The following DCAF8 variants were observed in gnomAD, a reference collection of about 807,000 sequenced individuals.
DCAF8 encodes the protein DDB1 and CUL4 associated factor 8, also known as DDB1- and CUL4-associated factor 8.
DCAF8 carries 20 observed loss-of-function variants against 68.0 expected under a neutral mutation model. That is an observed-to-expected ratio of 0.29 (90% CI 0.21 to 0.43). The LOEUF (loss-of-function observed/expected upper bound fraction) is 0.43, where lower values mean the gene tolerates loss of function less well. Ranked by LOEUF, DCAF8 falls within the 20% of genes least tolerant of loss-of-function variation. The pLI is 1.00. For missense variants in DCAF8, 460 were observed against 771.0 expected (o/e 0.60, Z 4.78); for synonymous variants, 230 against 276.9 (o/e 0.83, Z 1.68).
At position 160,216,632 on chromosome 1, in the gene DCAF8, G is replaced by C. The variant is rs1217744849; in HGVS notation, c.*960C>G. On this transcript the variant is annotated 3_prime_UTR_variant, in exon 14 of 14. Coordinates refer to ENST00000368074, the MANE Select transcript of DCAF8 (RefSeq NM_015726.4). ...CATACACAGAGGTAAACTGACCCCAGGTGTCACTTCCACACCATTACTCTT... is the reference window on the plus strand; with the variant it reads ...CATACACAGAGGTAAACTGACCCCACGTGTCACTTCCACACCATTACTCTT... The C allele has an allele frequency of 6.6e-6, 1 of 152,562 alleles. No homozygotes were observed. The highest frequency in any genetic ancestry group is 1.5e-5 in the Non-Finnish European group (1 of 68,032). The allele number at this position is 152,562 out of a possible 1,614,324, so 9.5% of individuals were successfully genotyped here.
intron 6 of DCAF8, among the ~76,000 whole-genome samples, chr1:160,233,845 AG>A (rs1252585816): frequency 1.3e-5 from 2 of 152,180 alleles, no homozygotes; most frequent in African/African-American, 2.4e-5. Context: ...TGAACTCTGC[AG>A]GGGGCATGCA....
intron 11 of DCAF8, chr1:160,219,880 T>C (rs1571077912): frequency 6.6e-6 from 1 of 152,336 alleles, no homozygotes; most frequent in East Asian, 1.9e-4. Flanking sequence ...TTTGAGTCTT[T>C]TAGTGAAAAG....
chr1:160,234,235 T>G (rs1655793582), intron 6 of DCAF8, among the ~76,000 whole-genome samples: 1 of 111,648 alleles, frequency 9.0e-6, no homozygotes. Context: ...AGAGTGAGAC[T>G]GCACCTCAAA....
intron 10 of DCAF8, among the ~76,000 whole-genome samples, chr1:160,223,277 A>G (rs1352877787): frequency 1.3e-5 from 2 of 152,250 alleles, no homozygotes; most frequent in African/African-American, 2.4e-5. Context: ...GGAATCAGTA[A>G]AAGAAGCCAA....
Position 160,217,223 on chromosome 1 carries a change from G to T in DCAF8, c.*369C>A, listed in dbSNP as rs536503403. 7.4e-5 allele frequency: 13 copies of T among 174,916 alleles called. No individual in the cohort carries two copies. The East Asian group carries it at 1.8e-3, about 25-fold the overall frequency. 10.8% of individuals were successfully genotyped at this position (174,916 alleles called of 1,614,324 possible). On this transcript the variant is annotated 3_prime_UTR_variant, in exon 14 of 14. Coordinates refer to ENST00000368074, the MANE Select transcript of DCAF8 (RefSeq NM_015726.4). ...GCCCCTTGGTACTGAATAGCCAGTT[G>T]TTCCCCCCACCCCTCCCCCAGCCCA...
chr1:160,255,853 C>T (rs1299850891), intron 2 of DCAF8, among the ~76,000 whole-genome samples: 1 of 151,804 alleles, frequency 6.6e-6, no homozygotes, highest in Non-Finnish European at 1.5e-5. Flanking sequence ...CTCCTGACCT[C>T]AGGTGATCCG....
chr1:160,239,014 T>C (rs949170654), intron 4 of DCAF8: 5 of 482,838 alleles, frequency 1.0e-5, no homozygotes, highest in Non-Finnish European at 1.6e-5. Flanking sequence ...TCAGATGAAC[T>C]AGGACTGTAT....
At chr1:160,260,732 AC>A (rs1382387122) in intron 2 of DCAF8, among the ~76,000 whole-genome samples, 2 of 147,608 alleles carry the variant, frequency 1.4e-5, no homozygotes, top group Non-Finnish European at 3.0e-5. Flanking sequence ...TTTTTTTTTT[AC>A]AAAAAATTTC....
At position 160,239,686 on chromosome 1, in the gene DCAF8, C is replaced by T. The variant is rs779376145; in HGVS notation, c.723+11G>A. ...GATTCTCTCAGTTGCTATTATGCTC[C>T]CTTGCCTCACCTGGAACACATTACT... On this transcript the variant is annotated intron_variant, in intron 4 of 13. Coordinates refer to ENST00000368074, the MANE Select transcript of DCAF8 (RefSeq NM_015726.4). The T allele has an allele frequency of 4.3e-6, 7 of 1,614,212 alleles. No homozygotes were observed. The highest frequency in any genetic ancestry group is 2.2e-5 in the East Asian group (1 of 44,884).
chr1:160,232,029 GA>G (rs1276009018), intron 6 of DCAF8, among the ~76,000 whole-genome samples: 1 of 151,594 alleles, frequency 6.6e-6, no homozygotes, highest in Non-Finnish European at 1.5e-5. Context: ...CATCTCTACT[GA>G]AAATACAAAA....
chr1:160,240,170 T>G lies in DCAF8; in HGVS notation c.250A>C (p.Thr84Pro). 6.2e-7 allele frequency: 1 copy of G among 1,613,960 alleles called. No homozygotes were observed. The highest frequency in any genetic ancestry group is 1.3e-5 in the African/African-American group (1 of 75,058). The change falls in exon 4 of 14, where the codon ACT (threonine) becomes CCT (proline). Residue 84 changes from threonine (T) to proline (P), a missense_variant. Physicochemically the swap from Thr to Pro is conservative, Grantham distance 38 (BLOSUM62 -1). Transcript: ENST00000368074. ...EDKDSDSMED[T>P]GHYSINDENR... is the part of the protein sequence containing the mutation. ...TCATCATTAATGGAGTAATGACCAG[T>G]GTCCTCCATGCTGTCAGAGTCCTTA...
chr1:160,252,367 G>C (rs1000581368), intron 2 of DCAF8, among the ~76,000 whole-genome samples: 34 of 152,176 alleles, frequency 2.2e-4, no homozygotes, highest in African/African-American at 8.2e-4. Flanking sequence ...TGCTTCCATG[G>C]AAAATTAGCT....
At chr1:160,245,973 T>A (rs1656308092) in intron 2 of DCAF8, among the ~76,000 whole-genome samples, 1 of 152,076 alleles carries the variant, frequency 6.6e-6, no homozygotes, top group Non-Finnish European at 1.5e-5. Flanking sequence ...ACCCTGTCTC[T>A]ACTAAAAATA....
intron 6 of DCAF8, among the ~76,000 whole-genome samples, chr1:160,232,624 G>A (rs959201918): frequency 1.3e-5 from 2 of 150,668 alleles, no homozygotes; most frequent in Non-Finnish European, 3.0e-5. Context: ...CTGGGTGGCA[G>A]AGGGAGACTC....
intron 6 of DCAF8, among the ~76,000 whole-genome samples, chr1:160,235,491 T>C (rs1402227295): frequency 1.3e-5 from 2 of 151,848 alleles, no homozygotes; most frequent in Non-Finnish European, 2.9e-5. Context: ...AAGGTAAAGG[T>C]TAAATAAACT....
chr1:160,220,272 A>G (rs916703013), intron 11 of DCAF8: 1 of 152,266 alleles, frequency 6.6e-6, no homozygotes, highest in African/African-American at 2.4e-5. Context: ...AGTAATGGAC[A>G]ACTTACATAT....
In DCAF8 at chr1:160,222,699, T is replaced by G; in HGVS notation, c.1392A>C (p.Lys464Asn). ...TGAACTGAATAATCTGGCAGGATGATTTCTCCCAGAGGAAGATGTGCCCAC... is the reference window on the plus strand; with the variant it reads ...TGAACTGAATAATCTGGCAGGATGAGTTCTCCCAGAGGAAGATGTGCCCAC... ...SDCGHIFLWE[K>N]SSCQIIQFME... Residue 464 changes from lysine (K) to asparagine (N), a missense_variant, in exon 11 of 14, where the codon AAA becomes AAC. Coordinates refer to ENST00000368074, the MANE Select transcript of DCAF8 (RefSeq NM_015726.4). 6.2e-7 allele frequency: 1 copy of G among 1,614,142 alleles called. No homozygotes were observed. Among genetic ancestry groups the G allele is most frequent in the Non-Finnish European group, 8.5e-7 (1 of 1,180,026 alleles).
In DCAF8 at chr1:160,253,052, A is replaced by C. The variant is rs568200005; in HGVS notation, c.-27+8233T>G. On this transcript the variant is annotated intron_variant, in intron 2 of 13. Coordinates refer to ENST00000368074, the MANE Select transcript of DCAF8 (RefSeq NM_015726.4). ...TAAATCATATCTCACTAAAACAAACAATTAGTTACCTAAGAAGGCTCTGGG... is the reference window on the plus strand; with the variant it reads ...TAAATCATATCTCACTAAAACAAACCATTAGTTACCTAAGAAGGCTCTGGG... Among the ~76,000 whole-genome samples the C allele has an allele frequency of 2.2e-4, 34 of 152,330 alleles. 1 individual carries two copies. In the South Asian group the frequency reaches 7.0e-3, roughly 32 times the overall value.
intron 11 of DCAF8, among the ~76,000 whole-genome samples, chr1:160,221,430 C>T (rs1655293129): frequency 6.6e-6 from 1 of 152,150 alleles, no homozygotes; most frequent in Admixed American, 6.5e-5. Flanking sequence ...CATTTGTATT[C>T]AAACCATAAA....
Sources: allele counts gnomAD v4.1 joint callset (sites outside exome capture counted in the v4.1 genomes callset), GRCh38; gene constraint gnomAD v4.1.1; transcripts MANE v1.5; gene names NCBI Gene and HGNC (gene_info 2026-07-23, HGNC 2026-07-21).